Variants in ARHGAP17 observed in about 807,000 individuals in gnomAD.
ARHGAP17 encodes the protein Rho GTPase activating protein 17, also known as rho GTPase-activating protein 17.
ARHGAP17 carries 57 observed loss-of-function variants against 99.5 expected under a neutral mutation model. The ratio of observed to expected loss-of-function variants is 0.57; its 90% confidence interval spans 0.46 to 0.71. ARHGAP17 has a LOEUF of 0.71. Ranked by LOEUF, ARHGAP17 falls within the 30% of genes least tolerant of loss-of-function variation. ARHGAP17 has a pLI of 0.00. For missense variants in ARHGAP17, 1,000 were observed against 1,122.4 expected (o/e 0.89, Z 1.56); for synonymous variants, 417 against 429.6 (o/e 0.97, Z 0.36).
chr16:24,957,631 TG>T (rs2051849786), intron 9 of ARHGAP17: 1 of 152,436 alleles, frequency 6.6e-6, no homozygotes, highest in East Asian at 1.9e-4. Context: ...GGGTGGTTGC[TG>T]GTCCTTTGAA....
At chr16:25,005,047 T>C (rs1253570560) in intron 1 of ARHGAP17, among the ~76,000 whole-genome samples, 1 of 152,220 alleles carries the variant, frequency 6.6e-6, no homozygotes, top group Non-Finnish European at 1.5e-5. Flanking sequence ...CCTGAGTACC[T>C]GGGATTACAG....
chr16:24,999,669 C>T (rs571940528), intron 1 of ARHGAP17, among the ~76,000 whole-genome samples: 12 of 152,254 alleles, frequency 7.9e-5, no homozygotes, highest in African/African-American at 2.2e-4. Flanking sequence ...GACCCTCCTG[C>T]CTCGCCTCCC....
chr16:24,985,297 G>T (rs944031338), intron 1 of ARHGAP17, among the ~76,000 whole-genome samples: 8 of 152,180 alleles, frequency 5.3e-5, no homozygotes, highest in African/African-American at 1.9e-4. Context: ...AAACTCAGTG[G>T]CTTGAACAAC....
intron 1 of ARHGAP17, among the ~76,000 whole-genome samples, chr16:24,992,976 T>G (rs914881629): frequency 6.6e-6 from 1 of 152,126 alleles, no homozygotes. Flanking sequence ...ATTTTTGTAT[T>G]TTTTTGTACA....
At chr16:24,988,453 T>C (rs1451652962) in intron 1 of ARHGAP17, among the ~76,000 whole-genome samples, 1 of 152,224 alleles carries the variant, frequency 6.6e-6, no homozygotes, top group Non-Finnish European at 1.5e-5. Context: ...CTAATAGTTC[T>C]ATACTCTGCA....
chr16:24,969,860 G>A (rs111503601), intron 4 of ARHGAP17, among the ~76,000 whole-genome samples: 24 of 152,296 alleles, frequency 1.6e-4, no homozygotes, highest in African/African-American at 5.8e-4. Flanking sequence ...TGTAGACGCT[G>A]AGAAATGGAC....
At chr16:24,942,615 A>T (rs1232484421) in intron 15 of ARHGAP17, among the ~76,000 whole-genome samples, 1 of 151,764 alleles carries the variant, frequency 6.6e-6, no homozygotes, top group Non-Finnish European at 1.5e-5. Flanking sequence ...AAAAATACAA[A>T]AAATTAGCTG....
intron 3 of ARHGAP17, among the ~76,000 whole-genome samples, chr16:24,975,101 C>T (rs1036764722): frequency 5.3e-5 from 8 of 152,096 alleles, no homozygotes; most frequent in Admixed American, 3.3e-4. Context: ...TGCAATGGGC[C>T]GGGATCGTGC....
rs1448282895 is a variant in ARHGAP17, at chr16:24,935,650, TA to T, written c.1725-12del. The T allele has an allele frequency of 6.2e-7, 1 of 1,613,236 alleles. No individual in the cohort carries two copies. The highest frequency in any genetic ancestry group is 2.2e-5 in the East Asian group (1 of 44,872). On this transcript the variant is annotated splice_polypyrimidine_tract_variant and intron_variant, in intron 17 of 19. Coordinates refer to ENST00000289968, the MANE Select transcript of ARHGAP17 (RefSeq NM_001006634.3). ...TTCGGTTTGGGAGGACTAAGAGGAG[TA>T]AAAGTCAAGTTAGACGTCAGACAAT...
chr16:24,926,193 A>C (rs545250524), intron 19 of ARHGAP17, among the ~76,000 whole-genome samples: 1 of 152,170 alleles, frequency 6.6e-6, no homozygotes, highest in East Asian at 1.9e-4. Context: ...TAAATGGCAG[A>C]CTTTTTCAAT....
intron 1 of ARHGAP17, among the ~76,000 whole-genome samples, chr16:24,985,299 T>C (rs2052829575): frequency 6.6e-6 from 1 of 152,242 alleles, no homozygotes; most frequent in Admixed American, 6.5e-5. Context: ...ACTCAGTGGC[T>C]TGAACAACAC....
chr16:24,927,607 T>C (rs2050875347), intron 19 of ARHGAP17: 5 of 734,372 alleles, frequency 6.8e-6, no homozygotes, highest in Non-Finnish European at 9.2e-6. Flanking sequence ...GGTGGCCAGT[T>C]AGTAACAGGC....
intron 1 of ARHGAP17, among the ~76,000 whole-genome samples, chr16:25,011,101 C>T (rs2053632321): frequency 6.6e-6 from 1 of 152,148 alleles, no homozygotes; most frequent in Non-Finnish European, 1.5e-5. Context: ...ATCATCTCCC[C>T]AAAAACACCA....
chr16:24,989,383 G>C (rs1032559429), intron 1 of ARHGAP17, among the ~76,000 whole-genome samples: 6 of 152,150 alleles, frequency 3.9e-5, no homozygotes, highest in African/African-American at 1.4e-4. Flanking sequence ...GCCCTGGCAG[G>C]GGCCTATTGA....
chr16:24,946,302 TTC>T (rs2051470862), intron 14 of ARHGAP17, among the ~76,000 whole-genome samples: 2 of 151,866 alleles, frequency 1.3e-5, no homozygotes, highest in Non-Finnish European at 2.9e-5. Context: ...CAGCCTCATG[TTC>T]TCTGTCTTCA....
intron 1 of ARHGAP17, among the ~76,000 whole-genome samples, chr16:25,005,879 A>C (rs1475577508): frequency 6.6e-6 from 1 of 152,242 alleles, no homozygotes; most frequent in Non-Finnish European, 1.5e-5. Context: ...ATTGCGCAAC[A>C]TCACTTTCTG....
At chr16:25,014,640 A>C (rs2053733439) in intron 1 of ARHGAP17, among the ~76,000 whole-genome samples, 1 of 152,032 alleles carries the variant, frequency 6.6e-6, no homozygotes, top group South Asian at 2.1e-4. Flanking sequence ...AGACAGCACC[A>C]CCTCCGAATT....
chr16:24,972,915 C>T (rs907816439), intron 3 of ARHGAP17, among the ~76,000 whole-genome samples: 4 of 151,160 alleles, frequency 2.6e-5, no homozygotes, highest in African/African-American at 9.8e-5. Context: ...TAGAGGTGAA[C>T]AGCTTTCTAT....
chr16:24,994,032 T>C (rs1258361969), intron 1 of ARHGAP17, among the ~76,000 whole-genome samples: 2 of 152,166 alleles, frequency 1.3e-5, no homozygotes, highest in East Asian at 1.9e-4. Context: ...ATCTGAATAA[T>C]GGTGGCTCCT....
Sources: gnomAD v4.1 joint callset for allele counts (sites outside exome capture counted in the v4.1 genomes callset) on GRCh38, gnomAD v4.1.1 for gene constraint, MANE v1.5 for transcripts, NCBI Gene and HGNC (gene_info 2026-07-23, HGNC 2026-07-21) for gene names.